The following SUPT3H variants were observed in gnomAD, a reference collection of about 807,000 sequenced individuals.
SUPT3H encodes the protein transcription initiation protein SPT3 homolog.
A neutral mutation model predicts 44.3 loss-of-function variants in SUPT3H; 44 were observed. The observed-to-expected ratio is 0.99, with a 90% CI of 0.78 to 1.28. The LOEUF (loss-of-function observed/expected upper bound fraction) is 1.28. SUPT3H is among the 50% of genes most tolerant of loss of function. The pLI, the probability that SUPT3H is intolerant of heterozygous loss-of-function variation, is 0.00. For synonymous variants in SUPT3H, 124 were observed against 125.6 expected (o/e 0.99, Z 0.09); for missense variants, 380 against 387.1 (o/e 0.98, Z 0.15).
intron 6 of SUPT3H, among the ~76,000 whole-genome samples, chr6:44,963,851 T>C (rs1468583006): frequency 2.0e-5 from 3 of 151,628 alleles, no homozygotes; most frequent in African/African-American, 4.8e-5. Context: ...TATAAAATAT[T>C]AGCCGGGTGT....
intron 3 of SUPT3H, among the ~76,000 whole-genome samples, chr6:45,025,034 TCCATAATTG>T (rs1196299388): frequency 6.6e-6 from 1 of 152,160 alleles, no homozygotes; most frequent in Non-Finnish European, 1.5e-5. Flanking sequence ...ATCCTTAGAC[TCCATAATTG>T]CATAATTATA....
intron 10 of SUPT3H, among the ~76,000 whole-genome samples, chr6:44,839,702 G>GT (rs915569024): frequency 1.7e-4 from 25 of 148,806 alleles, no homozygotes; most frequent in African/African-American, 2.7e-4. Flanking sequence ...TTCAGCACCA[G>GT]TTTTTTTTTT....
intron 3 of SUPT3H, among the ~76,000 whole-genome samples, chr6:45,052,864 T>C (rs557326111): frequency 2.0e-5 from 3 of 151,836 alleles, no homozygotes; most frequent in Non-Finnish European, 4.4e-5. Flanking sequence ...TGAAAGAGGA[T>C]AAGGACATTT....
Position 45,293,691 on chromosome 6 carries a change from C to G in SUPT3H, c.101+71510G>C, listed in dbSNP as rs185773849. On this transcript the variant is annotated intron_variant, in intron 2 of 10. Coordinates refer to ENST00000371459, the MANE Select transcript of SUPT3H (RefSeq NM_003599.4). The stretch of plus-strand genomic sequence containing the variant: ...CGCCAAAGAAATACAAAAGACCCTT[C>G]AAGGCTACTATGAAGACCTTTACAT... Among the ~76,000 whole-genome samples the G allele has an allele frequency of 3.5e-4, 54 of 152,228 alleles. 1 individual carries two copies. In the East Asian group the frequency reaches 7.1e-3, roughly 20 times the overall value.
At chr6:45,172,134 G>A (rs1222031254) in intron 2 of SUPT3H, among the ~76,000 whole-genome samples, 4 of 148,660 alleles carry the variant, frequency 2.7e-5, no homozygotes, top group South Asian at 2.1e-4. Flanking sequence ...GTGCAGTGGC[G>A]CGATCTCAGC....
chr6:44,958,037 G>A (rs1775467138), intron 7 of SUPT3H, among the ~76,000 whole-genome samples: 1 of 152,034 alleles, frequency 6.6e-6, no homozygotes. Flanking sequence ...AGGTGAGAGG[G>A]GCCTCAGAAT....
chr6:44,895,678 T>G (rs1213301225), intron 10 of SUPT3H, among the ~76,000 whole-genome samples: 1 of 152,128 alleles, frequency 6.6e-6, no homozygotes, highest in Non-Finnish European at 1.5e-5. Flanking sequence ...ATGGAATAAC[T>G]GCAGTGAAGG....
At chr6:44,818,969 T>C (rs1187620589) in intron 11 of SUPT3H, among the ~76,000 whole-genome samples, 1 of 152,226 alleles carries the variant, frequency 6.6e-6, no homozygotes, top group African/African-American at 2.4e-5. Context: ...CACTTCTAGG[T>C]ATTTACCCAA....
chr6:45,354,180 A>T (rs1792652209), intron 2 of SUPT3H, among the ~76,000 whole-genome samples: 2 of 152,322 alleles, frequency 1.3e-5, no homozygotes, highest in South Asian at 4.1e-4. Flanking sequence ...TTCAAATAGT[A>T]GGTTTCAAGA....
intron 10 of SUPT3H, among the ~76,000 whole-genome samples, chr6:44,848,935 G>A (rs1276160614): frequency 6.6e-6 from 1 of 152,182 alleles, no homozygotes; most frequent in Non-Finnish European, 1.5e-5. Flanking sequence ...GTGAATAAGA[G>A]ACGACTTTCT....
intron 4 of SUPT3H, among the ~76,000 whole-genome samples, chr6:45,020,306 C>T (rs150062903): frequency 3.3e-4 from 50 of 152,042 alleles, no homozygotes; most frequent in African/African-American, 1.1e-3. Context: ...TCTGCATAGA[C>T]GCATAAGGAT....
At chr6:45,210,140 C>T (rs1317855256) in intron 2 of SUPT3H, among the ~76,000 whole-genome samples, 3 of 151,916 alleles carry the variant, frequency 2.0e-5, no homozygotes, top group Non-Finnish European at 2.9e-5. Flanking sequence ...AAATAAATCT[C>T]GGGACCCCAA....
chr6:45,232,766 A>G (rs1255363149), intron 2 of SUPT3H, among the ~76,000 whole-genome samples: 1 of 152,138 alleles, frequency 6.6e-6, no homozygotes, highest in East Asian at 1.9e-4. Context: ...GGAGCACCAC[A>G]GCACTGCATA....
chr6:45,297,758 T>A (rs1343474696), intron 2 of SUPT3H, among the ~76,000 whole-genome samples: 1 of 152,178 alleles, frequency 6.6e-6, no homozygotes, highest in Non-Finnish European at 1.5e-5. Context: ...AAAATTTTAA[T>A]ACTTTAGGCT....
chr6:44,936,518 T>C (rs1221220348), intron 9 of SUPT3H, among the ~76,000 whole-genome samples: 1 of 152,170 alleles, frequency 6.6e-6, no homozygotes, highest in East Asian at 1.9e-4. Flanking sequence ...ATCTCCATTG[T>C]CTATCATTCC....
chr6:45,242,327 G>C (rs1770514037), intron 2 of SUPT3H, among the ~76,000 whole-genome samples: 1 of 152,204 alleles, frequency 6.6e-6, no homozygotes, highest in Non-Finnish European at 1.5e-5. Flanking sequence ...CAACTGAAGT[G>C]CCTAAGTGTA....
At chr6:44,899,818 T>C (rs534724415) in intron 10 of SUPT3H, among the ~76,000 whole-genome samples, 1 of 152,368 alleles carries the variant, frequency 6.6e-6, no homozygotes, top group Admixed American at 6.5e-5. Flanking sequence ...AATGTATTAG[T>C]ACTTTTCCTG....
intron 2 of SUPT3H, among the ~76,000 whole-genome samples, chr6:45,232,576 T>C (rs750657354): frequency 3.3e-5 from 5 of 152,094 alleles, no homozygotes; most frequent in Admixed American, 6.5e-5. Flanking sequence ...AATCAGTGGA[T>C]TGAGCAGATG....
intron 1 of SUPT3H, chr6:45,372,006 C>CTA: frequency 2.2e-6 from 2 of 929,384 alleles, no homozygotes; most frequent in Non-Finnish European, 2.6e-6. Context: ...GTTCTTTCTA[C>CTA]TATACATCAA....
Sources: gnomAD v4.1 joint callset for allele counts (sites outside exome capture counted in the v4.1 genomes callset) on GRCh38, gnomAD v4.1.1 for gene constraint, MANE v1.5 for transcripts, NCBI Gene and HGNC (gene_info 2026-07-23, HGNC 2026-07-21) for gene names.